Variants in GPC6 observed in about 807,000 individuals in gnomAD.
GPC6 encodes glypican 6.
Under a neutral mutation model 55.2 loss-of-function variants are expected in GPC6, and 14 were observed. The ratio of observed to expected loss-of-function variants is 0.25; its 90% CI spans 0.17 to 0.40. GPC6 has a LOEUF of 0.40. Ranked by LOEUF, GPC6 falls within the 10% of genes least tolerant of loss-of-function variation. The probability of loss-of-function intolerance (pLI) is 1.00; values close to 1 mark genes in which losing one functional copy is unlikely to be tolerated. For synonymous variants in GPC6, 278 were observed against 259.6 expected (o/e 1.07, Z -0.68); for missense variants, 641 against 708.5 (o/e 0.90, Z 1.08).
intron 6 of GPC6, among the ~76,000 whole-genome samples, chr13:94,372,752 C>A (rs576368623): frequency 6.6e-6 from 1 of 152,330 alleles, no homozygotes; most frequent in South Asian, 2.1e-4. Context: ...GGCTCCACCT[C>A]TGGGGGCAGG....
At chr13:93,339,842 T>G (rs1174377361) in intron 1 of GPC6, among the ~76,000 whole-genome samples, 1 of 152,086 alleles carries the variant, frequency 6.6e-6, no homozygotes, top group Admixed American at 6.5e-5. Context: ...GTTGGGAGTT[T>G]AAGAAAATTA....
chr13:93,937,892 G>A (rs1878519550), intron 3 of GPC6, among the ~76,000 whole-genome samples: 1 of 152,052 alleles, frequency 6.6e-6, no homozygotes, highest in African/African-American at 2.4e-5. Context: ...CTACCTTTTA[G>A]TATAATTTAT....
At position 94,024,940 on chromosome 13, in the gene GPC6, C is replaced by A. The variant is rs185315339; in HGVS notation, c.712-2789C>A. On this transcript the variant is annotated intron_variant, in intron 3 of 8. Transcript: ENST00000377047. ...TGATTCAATAAGCACTTAACAAATA[C>A]CCAAGTCATCATTGTAATACCTTAT... Among the ~76,000 whole-genome samples the A allele has an allele frequency of 1.5e-3, 227 of 152,190 alleles. 2 individuals are homozygous for A. The highest frequency in any genetic ancestry group is 0.014 in the Admixed American group (221 of 15,284).
At chr13:93,515,540 A>G (rs923477469) in intron 1 of GPC6, among the ~76,000 whole-genome samples, 1 of 152,178 alleles carries the variant, frequency 6.6e-6, no homozygotes, top group African/African-American at 2.4e-5. Flanking sequence ...AAATTATTTA[A>G]ATTTTGTGAG....
rs184248853 is a variant in GPC6, at chr13:94,186,255, G to A, written c.878-100094G>A. On this transcript the variant is annotated intron_variant, in intron 4 of 8. Transcript: ENST00000377047. ...ATATTATTGGAATAGGAGTTTACCA[G>A]TTGGATTTCGGCATGATTTTTCTTG... Among the ~76,000 whole-genome samples, 40 of 152,232 alleles carry A rather than the reference G, an allele frequency of 2.6e-4. 1 individual carries two copies. Among genetic ancestry groups the A allele is most frequent in the African/African-American group, 9.6e-4 (40 of 41,552 alleles).
At chr13:93,935,668 T>C (rs549898804) in intron 3 of GPC6, among the ~76,000 whole-genome samples, 1 of 152,346 alleles carries the variant, frequency 6.6e-6, no homozygotes, top group African/African-American at 2.4e-5. Context: ...TGGAGAGCAC[T>C]ATTCTAAACT....
At chr13:93,294,441 AC>A (rs961233924) in intron 1 of GPC6, among the ~76,000 whole-genome samples, 2 of 150,804 alleles carry the variant, frequency 1.3e-5, no homozygotes, top group Non-Finnish European at 3.0e-5. Context: ...CCCACTATCC[AC>A]CCCCATCCCC....
chr13:93,268,105 A>G (rs1877386331), intron 1 of GPC6, among the ~76,000 whole-genome samples: 1 of 152,216 alleles, frequency 6.6e-6, no homozygotes, highest in South Asian at 2.1e-4. Flanking sequence ...TTAGCATTTT[A>G]TGTATCATAA....
chr13:94,220,119 T>C (rs547126716), intron 4 of GPC6, among the ~76,000 whole-genome samples: 73 of 151,562 alleles, frequency 4.8e-4, no homozygotes, highest in African/African-American at 1.7e-3. Context: ...AAAAGAAGAG[T>C]TCAATCACAT....
chr13:93,562,354 A>G (rs188387794), intron 2 of GPC6, among the ~76,000 whole-genome samples: 64 of 152,274 alleles, frequency 4.2e-4, no homozygotes, highest in Admixed American at 9.2e-4. Context: ...CGTATAACAT[A>G]TGAAATTTAG....
At chr13:93,800,033 C>T (rs2138935688) in intron 2 of GPC6, among the ~76,000 whole-genome samples, 1 of 152,228 alleles carries the variant, frequency 6.6e-6, no homozygotes, top group Non-Finnish European at 1.5e-5. Flanking sequence ...ACCTTCATTT[C>T]TCATCCATTA....
intron 4 of GPC6, among the ~76,000 whole-genome samples, chr13:94,241,508 A>G (rs1455099755): frequency 1.3e-5 from 2 of 152,162 alleles, no homozygotes; most frequent in Non-Finnish European, 2.9e-5. Flanking sequence ...GAGTTTTCAG[A>G]TGCCACATAT....
At chr13:93,745,745 T>C (rs1884376213) in intron 2 of GPC6, among the ~76,000 whole-genome samples, 1 of 152,200 alleles carries the variant, frequency 6.6e-6, no homozygotes, top group African/African-American at 2.4e-5. Context: ...TTTTTGGATA[T>C]GATGTTTTTT....
intron 4 of GPC6, among the ~76,000 whole-genome samples, chr13:94,197,256 C>G (rs925012226): frequency 8.5e-5 from 13 of 152,164 alleles, no homozygotes; most frequent in Admixed American, 5.2e-4. Context: ...CCTCCACACA[C>G]CCAGACCTTA....
chr13:93,240,914 A>G (rs1458870452), intron 1 of GPC6, among the ~76,000 whole-genome samples: 1 of 152,164 alleles, frequency 6.6e-6, no homozygotes, highest in Non-Finnish European at 1.5e-5. Context: ...GTTTTGCACC[A>G]TACAAAATTC....
At chr13:93,930,922 T>A (rs1054774622) in intron 3 of GPC6, among the ~76,000 whole-genome samples, 2 of 152,180 alleles carry the variant, frequency 1.3e-5, no homozygotes, top group East Asian at 3.9e-4. Flanking sequence ...AAACTTACAA[T>A]CATGGTGGAA....
chr13:93,573,841 T>C (rs1876529267), intron 2 of GPC6, among the ~76,000 whole-genome samples: 1 of 152,186 alleles, frequency 6.6e-6, no homozygotes, highest in African/African-American at 2.4e-5. Flanking sequence ...CTTCCCTTTC[T>C]CTGCTCATCC....
chr13:93,548,266 G>A (rs1336322920), intron 2 of GPC6, among the ~76,000 whole-genome samples: 1 of 152,096 alleles, frequency 6.6e-6, no homozygotes, highest in South Asian at 2.1e-4. Flanking sequence ...CATTTGGATT[G>A]TGTATGTCTT....
chr13:93,495,898 C>G (rs370675042), intron 1 of GPC6, among the ~76,000 whole-genome samples: 3 of 147,428 alleles, frequency 2.0e-5, no homozygotes, highest in East Asian at 2.1e-4. Context: ...TCTCCAGCTG[C>G]GTGCTGGGAG....
Sources: allele counts gnomAD v4.1 joint callset (sites outside exome capture counted in the v4.1 genomes callset), GRCh38; gene constraint gnomAD v4.1.1; transcripts MANE v1.5; gene names NCBI Gene and HGNC (gene_info 2026-07-23, HGNC 2026-07-21).